The following ZNF469 variants were observed in gnomAD, a reference collection of about 807,000 sequenced individuals.
The protein encoded by ZNF469 is zinc finger protein 469.
In ZNF469, 1 loss-of-function variant was observed where a neutral mutation model predicts 1.0. That is an observed-to-expected ratio of 1.00 (90% CI 0.35 to 4.73). ZNF469 has a LOEUF of 4.73. Ranked by LOEUF, ZNF469 falls within the 30% of genes most tolerant of loss-of-function variation. The pLI is 0.16. For missense variants in ZNF469, 6,100 were observed against 5,356.3 expected, an observed-to-expected ratio of 1.14 and a Z score of -4.33; for synonymous variants, 2,703 against 2,363.4, an observed-to-expected ratio of 1.14 and a Z score of -4.17.
chr16:88,341,977 A>G, the ZNF469 span, among the ~76,000 whole-genome samples: 1 of 152,190 alleles, frequency 6.6e-6, no homozygotes, highest in African/African-American at 2.4e-5. Flanking sequence ...CGAGGTGCCC[A>G]GCTGGGGAAG....
At chr16:88,227,928 G>A in the ZNF469 span, among the ~76,000 whole-genome samples, 9 of 152,242 alleles carry the variant, frequency 5.9e-5, no homozygotes, top group Non-Finnish European at 1.0e-4. Context: ...GGTGCACCCC[G>A]CCAGGCTCTG....
the ZNF469 span, among the ~76,000 whole-genome samples, chr16:88,286,421 C>T: frequency 1.4e-4 from 22 of 152,364 alleles, no homozygotes; most frequent in Admixed American, 1.3e-3. Flanking sequence ...GTGCCCTCTT[C>T]TCCCTGCCCC....
the ZNF469 span, among the ~76,000 whole-genome samples, chr16:88,149,323 TG>T: frequency 6.6e-6 from 1 of 152,174 alleles, no homozygotes; most frequent in African/African-American, 2.4e-5. Context: ...TGGTGAGTGC[TG>T]GGCGGGAGAG....
chr16:88,438,826 G>A lies in ZNF469; in HGVS notation c.11356G>A (p.Ala3786Thr). ...AGAGAGGCTCCCCGCTCGAGCCCAA[G>A]CCAAGAGCTGCACCAAGGGGCCAAG... Reference protein sequence around the residue: ...APERLPARAQAKSCTKGPREA... With the variant: ...APERLPARAQTKSCTKGPREA... The change falls in exon 3 of 3, where the codon GCC (alanine) becomes ACC (threonine). Residue 3786 changes from alanine (A) to threonine (T), a missense_variant. Physicochemically the swap from Ala to Thr is moderately conservative, Grantham distance 58. Coordinates refer to ENST00000565624, the MANE Select transcript of ZNF469 (RefSeq NM_001367624.2). 6.5e-7 allele frequency: 1 copy of A among 1,550,358 alleles called. No homozygotes were observed. Among genetic ancestry groups the A allele is most frequent in the Non-Finnish European group, 8.7e-7 (1 of 1,146,966 alleles).
upstream of ZNF469, among the ~76,000 whole-genome samples, chr16:88,381,941 G>T (rs1477996845): frequency 2.0e-5 from 3 of 152,256 alleles, no homozygotes; most frequent in African/African-American, 7.2e-5. Context: ...CATAATAAAG[G>T]TGTCCTTAAA....
chr16:88,316,471 C>T, the ZNF469 span, among the ~76,000 whole-genome samples: 16,885 of 151,410 alleles, frequency 0.11, 1,056 homozygotes, highest in South Asian at 0.22. Flanking sequence ...GACACCCCGA[C>T]GGTGGGCCTG....
At chr16:88,165,179 A>G in the ZNF469 span, among the ~76,000 whole-genome samples, 1 of 152,202 alleles carries the variant, frequency 6.6e-6, no homozygotes, top group Non-Finnish European at 1.5e-5. Flanking sequence ...CAGGGCACCC[A>G]GCAGGGTCTG....
the ZNF469 span, among the ~76,000 whole-genome samples, chr16:88,256,894 C>CT: frequency 6.5e-3 from 335 of 51,412 alleles, 7 homozygotes; most frequent in African/African-American, 0.019. Flanking sequence ...TCTTTTCTTT[C>CT]CTTCTTTCTT....
chr16:88,105,476 C>T, the ZNF469 span, among the ~76,000 whole-genome samples: 19 of 151,900 alleles, frequency 1.3e-4, no homozygotes, highest in Admixed American at 8.5e-4. Flanking sequence ...AGCTAATTTT[C>T]GTATTTTTAG....
chr16:88,249,126 C>T, the ZNF469 span, among the ~76,000 whole-genome samples: 1 of 152,096 alleles, frequency 6.6e-6, no homozygotes. Context: ...TATCCAGTAT[C>T]CCATGTCCCA....
Position 88,433,449 on chromosome 16 carries a change from G to A in ZNF469, c.5979G>A (p.Gln1993=). ...TGCTTGGCCAAGCCGAGAAAACCCA[G>A]GGCCAAGGCACAGCCAACCAGCTTC... ...WGLLGQAEKT[Q]GQGTANQLQP... is the part of the protein sequence containing the mutation. Residue 1993 remains glutamine, a synonymous_variant, in exon 3 of 3, where the codon CAG becomes CAA. Coordinates refer to ENST00000565624, the MANE Select transcript of ZNF469 (RefSeq NM_001367624.2). The A allele has an allele frequency of 1.9e-6, 3 of 1,550,396 alleles. No homozygotes were observed. The highest frequency in any genetic ancestry group is 2.6e-6 in the Non-Finnish European group (3 of 1,146,962).
At chr16:88,147,026 G>A in the ZNF469 span, among the ~76,000 whole-genome samples, 1 of 152,132 alleles carries the variant, frequency 6.6e-6, no homozygotes, top group Non-Finnish European at 1.5e-5. Flanking sequence ...CCTGATCCCT[G>A]GATCCTGCAA....
At chr16:88,420,729 T>A (rs1306041859) in intron 1 of ZNF469, among the ~76,000 whole-genome samples, 5 of 152,212 alleles carry the variant, frequency 3.3e-5, no homozygotes, top group Admixed American at 3.3e-4. Context: ...GTGTGCTCCA[T>A]GAGGTGGCTT....
At chr16:88,142,434 A>G in the ZNF469 span, among the ~76,000 whole-genome samples, 1 of 152,182 alleles carries the variant, frequency 6.6e-6, no homozygotes, top group Admixed American at 6.5e-5. Context: ...GTGGAAATAG[A>G]TGGGAGGGAC....
At chr16:88,229,763 A>G in the ZNF469 span, among the ~76,000 whole-genome samples, 1 of 152,006 alleles carries the variant, frequency 6.6e-6, no homozygotes, top group Admixed American at 6.5e-5. Context: ...CTCCTCACCA[A>G]CAAACTGCTT....
the ZNF469 span, among the ~76,000 whole-genome samples, chr16:88,252,512 TC>T: frequency 6.6e-6 from 1 of 151,630 alleles, no homozygotes. Flanking sequence ...GCTTCTCATC[TC>T]TTTATAGAGT....
the ZNF469 span, among the ~76,000 whole-genome samples, chr16:88,236,155 C>T: frequency 3.3e-5 from 5 of 152,324 alleles, no homozygotes; most frequent in Non-Finnish European, 7.3e-5. Flanking sequence ...CCTATTGAGA[C>T]CTTTGAAATG....
At chr16:88,177,130 C>T in the ZNF469 span, among the ~76,000 whole-genome samples, 5 of 152,192 alleles carry the variant, frequency 3.3e-5, no homozygotes, top group Admixed American at 3.3e-4. This position sits in a 1 kb window ranked among gnomAD's most constrained non-coding sequence, Gnocchi z 4.8. Context: ...CATTTCTGGA[C>T]TAATTCACCC....
chr16:88,284,454 A>G, the ZNF469 span, among the ~76,000 whole-genome samples: 3 of 152,046 alleles, frequency 2.0e-5, no homozygotes, highest in Non-Finnish European at 4.4e-5. Context: ...CATCTCTACA[A>G]AAAAATAAAT....
Sources: allele counts gnomAD v4.1 joint callset (sites outside exome capture counted in the v4.1 genomes callset), GRCh38; gene constraint gnomAD v4.1.1; non-coding constraint Gnocchi (gnomAD v3.1); transcripts MANE v1.5; gene names NCBI Gene and HGNC (gene_info 2026-07-23, HGNC 2026-07-21).